The following CDH2 variants were observed in gnomAD, a reference collection of about 807,000 sequenced individuals.
CDH2 encodes cadherin-2.
In CDH2, 17 loss-of-function variants were observed where a neutral mutation model predicts 92.0. The observed-to-expected ratio is 0.18, with a 90% CI of 0.13 to 0.28. The LOEUF is 0.28. Among genes scored for constraint, CDH2 ranks in the 10% least tolerant of loss-of-function variants. The probability of loss-of-function intolerance (pLI) is 1.00; values close to 1 mark genes in which losing one functional copy is unlikely to be tolerated. For synonymous variants in CDH2, 419 were observed against 415.9 expected (o/e 1.01, Z -0.09); for missense variants, 862 against 1,133.1 (o/e 0.76, Z 3.44).
chr18:28,098,843 T>C (rs775775205), intron 2 of CDH2, among the ~76,000 whole-genome samples: 2 of 152,154 alleles, frequency 1.3e-5, no homozygotes, highest in Non-Finnish European at 2.9e-5. Flanking sequence ...CTACTCTTCA[T>C]GTGTCTGCCA....
intron 2 of CDH2, among the ~76,000 whole-genome samples, chr18:28,113,487 AAAG>A (rs2015446178): frequency 7.0e-6 from 1 of 142,332 alleles, no homozygotes; most frequent in Non-Finnish European, 1.6e-5. Context: ...AAAAAAAAAA[AAAG>A]ATGATGAAAA....
intron 11 of CDH2, among the ~76,000 whole-genome samples, chr18:27,987,733 A>G (rs934779802): frequency 6.6e-6 from 1 of 152,202 alleles, no homozygotes; most frequent in Admixed American, 6.5e-5. Context: ...AAGTCATTAC[A>G]TTTTAGTTAA....
chr18:28,098,582 C>T (rs1453670284), intron 2 of CDH2, among the ~76,000 whole-genome samples: 2 of 151,884 alleles, frequency 1.3e-5, no homozygotes, highest in Non-Finnish European at 2.9e-5. Context: ...ATTGACTACA[C>T]GTATTTTCTC....
intron 2 of CDH2, among the ~76,000 whole-genome samples, chr18:28,098,981 G>C (rs17463365): frequency 6.6e-6 from 1 of 152,206 alleles, no homozygotes; most frequent in East Asian, 1.9e-4. Context: ...GGAAAAACTG[G>C]ATGGATTTAA....
intron 2 of CDH2, among the ~76,000 whole-genome samples, chr18:28,015,371 ATGTT>A (rs1175165642): frequency 6.6e-6 from 1 of 152,188 alleles, no homozygotes; most frequent in African/African-American, 2.4e-5. Flanking sequence ...TTAAGTCAAA[ATGTT>A]TGTCTTTGGA....
chr18:28,114,665 T>G (rs2015466299), intron 2 of CDH2, among the ~76,000 whole-genome samples: 1 of 152,082 alleles, frequency 6.6e-6, no homozygotes, highest in Admixed American at 6.6e-5. Flanking sequence ...CATATCAAGC[T>G]GTAGTTCAAA....
At chr18:27,960,223 C>T (rs2011366010) in intron 15 of CDH2, among the ~76,000 whole-genome samples, 1 of 151,738 alleles carries the variant, frequency 6.6e-6, no homozygotes, top group South Asian at 2.1e-4. Context: ...ACCATGGGAT[C>T]TGTGATCTGA....
intron 2 of CDH2, among the ~76,000 whole-genome samples, chr18:28,038,873 T>C (rs2013892843): frequency 6.6e-6 from 1 of 152,188 alleles, no homozygotes; most frequent in African/African-American, 2.4e-5. Flanking sequence ...CAAAACTAAA[T>C]TTTTTAAGAG....
At chr18:27,997,093 A>G (rs17522408) in intron 7 of CDH2, among the ~76,000 whole-genome samples, 56 of 152,360 alleles carry the variant, frequency 3.7e-4, no homozygotes, top group African/African-American at 1.3e-3. Flanking sequence ...TAAAAAATAA[A>G]CATGATGAAA....
chr18:28,009,627 G>A, intron 5 of CDH2, 90 bp downstream of exon 5: 1 of 1,073,070 alleles, frequency 9.3e-7, no homozygotes. Context: ...TCAGTATTGA[G>A]GCTTTCAGAC....
chr18:27,952,987 C>T (rs1248253933), intron 15 of CDH2, among the ~76,000 whole-genome samples: 1 of 152,102 alleles, frequency 6.6e-6, no homozygotes, highest in Non-Finnish European at 1.5e-5. Context: ...CAAAGGAAGA[C>T]TGAAGACAGG....
intron 2 of CDH2, among the ~76,000 whole-genome samples, chr18:28,140,607 C>CA (rs2015936420): frequency 6.6e-6 from 1 of 151,778 alleles, no homozygotes; most frequent in Non-Finnish European, 1.5e-5. Flanking sequence ...AGGCCCTCAC[C>CA]AGACACTGAA....
intron 2 of CDH2, among the ~76,000 whole-genome samples, chr18:28,055,578 A>G (rs1405198592): frequency 3.3e-5 from 5 of 152,212 alleles, no homozygotes; most frequent in Non-Finnish European, 7.3e-5. Flanking sequence ...ATGGCTGTGT[A>G]TATCTATATA....
At chr18:28,022,190 AT>A (rs552778598) in intron 2 of CDH2, among the ~76,000 whole-genome samples, 37 of 150,400 alleles carry the variant, frequency 2.5e-4, no homozygotes, top group South Asian at 8.5e-4. Flanking sequence ...TACAGGAATG[AT>A]TTTTTTTTTC....
At chr18:27,992,026 A>G (rs1171743597) in intron 9 of CDH2, among the ~76,000 whole-genome samples, 1 of 152,226 alleles carries the variant, frequency 6.6e-6, no homozygotes, top group Non-Finnish European at 1.5e-5. Context: ...CTTTTTGACC[A>G]TAAGATCAGA....
chr18:28,111,907 C>T (rs1035795302), intron 2 of CDH2, among the ~76,000 whole-genome samples: 1 of 152,162 alleles, frequency 6.6e-6, no homozygotes, highest in South Asian at 2.1e-4. Context: ...AAAATAATTA[C>T]TTTCAAAATT....
chr18:27,954,927 G>A (rs915180493), intron 15 of CDH2, among the ~76,000 whole-genome samples: 3 of 152,098 alleles, frequency 2.0e-5, no homozygotes, highest in African/African-American at 4.8e-5. Context: ...AACCAACAGC[G>A]GATTGCCTTA....
At chr18:27,978,616 G>A (rs2011932223) in intron 14 of CDH2, among the ~76,000 whole-genome samples, 1 of 150,954 alleles carries the variant, frequency 6.6e-6, no homozygotes, top group Middle Eastern at 3.4e-3. Context: ...GTAGTTGGGG[G>A]GGGGGATTCA....
At chr18:27,940,420 G>T (rs898641575) in intron 6 of CDH2, among the ~76,000 whole-genome samples, 2 of 152,144 alleles carry the variant, frequency 1.3e-5, no homozygotes, top group African/African-American at 4.8e-5. Flanking sequence ...AGTAAGTTTA[G>T]GGATCACTGG....
Sources: allele counts gnomAD v4.1 joint callset (sites outside exome capture counted in the v4.1 genomes callset), GRCh38; gene constraint gnomAD v4.1.1; transcripts MANE v1.5; gene names NCBI Gene and HGNC (gene_info 2026-07-23, HGNC 2026-07-21).